Variants in DSCAML1 observed in about 807,000 individuals in gnomAD.
The protein encoded by DSCAML1 is cell adhesion molecule DSCAML1.
DSCAML1 carries 38 observed loss-of-function variants against 200.5 expected under a neutral mutation model. That is an observed-to-expected ratio of 0.19 (90% CI 0.15 to 0.25). DSCAML1 has a LOEUF of 0.25. Ranked by LOEUF, DSCAML1 falls within the 10% of genes least tolerant of loss-of-function variation. The pLI is 1.00. For synonymous variants in DSCAML1, 1,215 were observed against 1,165.0 expected, an observed-to-expected ratio of 1.04 and a Z score of -0.87; for missense variants, 2,223 against 2,858.8, an observed-to-expected ratio of 0.78 and a Z score of 5.07.
chr11:117,538,799 T>C (rs1206832344), intron 3 of DSCAML1, among the ~76,000 whole-genome samples: 3 of 85,656 alleles, frequency 3.5e-5, no homozygotes, highest in Admixed American at 1.5e-4. Context: ...GGGGAGAAGG[T>C]GATAGACAGG....
intron 3 of DSCAML1, among the ~76,000 whole-genome samples, chr11:117,638,623 C>G (rs2137588222): frequency 6.6e-6 from 1 of 152,296 alleles, no homozygotes; most frequent in South Asian, 2.1e-4. Flanking sequence ...TAAAGGGAAT[C>G]ATACAATATG....
intron 3 of DSCAML1, among the ~76,000 whole-genome samples, chr11:117,679,264 C>T (rs779873458): frequency 5.3e-5 from 8 of 152,186 alleles, no homozygotes; most frequent in African/African-American, 1.7e-4. Flanking sequence ...GAGGCCCAGG[C>T]AGAGACCTAG....
At chr11:117,656,405 G>A (rs529610229) in intron 3 of DSCAML1, among the ~76,000 whole-genome samples, 6 of 152,300 alleles carry the variant, frequency 3.9e-5, no homozygotes, top group East Asian at 1.9e-4. Context: ...CCTACACCAC[G>A]GGAAGGTTCT....
intron 5 of DSCAML1, among the ~76,000 whole-genome samples, chr11:117,521,762 C>CGGG (rs34512794): frequency 8.6e-5 from 13 of 151,692 alleles, no homozygotes; most frequent in African/African-American, 3.2e-4. Context: ...CCTCAGAAAC[C>CGGG]GGGGGGGGCA....
intron 2 of DSCAML1, among the ~76,000 whole-genome samples, chr11:117,778,815 G>A (rs2055179672): frequency 1.3e-5 from 2 of 152,210 alleles, no homozygotes; most frequent in African/African-American, 2.4e-5. Flanking sequence ...CAGGCCTCAG[G>A]GCTCCCAGCC....
At chr11:117,621,682 G>A (rs1053183337) in intron 3 of DSCAML1, among the ~76,000 whole-genome samples, 40 of 152,208 alleles carry the variant, frequency 2.6e-4, no homozygotes, top group African/African-American at 9.4e-4. Context: ...GGAATTAGAA[G>A]CTGGGTTCTC....
chr11:117,710,599 A>G (rs2053829882), intron 3 of DSCAML1, among the ~76,000 whole-genome samples: 1 of 152,200 alleles, frequency 6.6e-6, no homozygotes, highest in Non-Finnish European at 1.5e-5. Context: ...TTTCTGTGTG[A>G]CTTAACCGCC....
chr11:117,618,601 C>T (rs1484305503), intron 3 of DSCAML1, among the ~76,000 whole-genome samples: 1 of 152,042 alleles, frequency 6.6e-6, no homozygotes, highest in African/African-American at 2.4e-5. Context: ...AATTCTAGCC[C>T]TACAATAAAA....
intron 16 of DSCAML1, among the ~76,000 whole-genome samples, chr11:117,467,978 T>C (rs933681294): frequency 6.6e-6 from 1 of 152,100 alleles, no homozygotes; most frequent in African/African-American, 2.4e-5. Flanking sequence ...CATCCACATA[T>C]ACTGACAGGT....
intron 11 of DSCAML1, among the ~76,000 whole-genome samples, chr11:117,501,407 C>T (rs1335001522): frequency 6.6e-6 from 1 of 152,158 alleles, no homozygotes; most frequent in African/African-American, 2.4e-5. Context: ...AGATACAGTG[C>T]AGATTCACGC....
At chr11:117,709,384 C>T (rs2053804222) in intron 3 of DSCAML1, among the ~76,000 whole-genome samples, 1 of 152,288 alleles carries the variant, frequency 6.6e-6, no homozygotes, top group East Asian at 1.9e-4. Context: ...AGATGGAGAG[C>T]GAGTGAGCTC....
chr11:117,474,573 G>T (rs2048751079), intron 14 of DSCAML1, among the ~76,000 whole-genome samples: 1 of 152,016 alleles, frequency 6.6e-6, no homozygotes, highest in Non-Finnish European at 1.5e-5. Flanking sequence ...CATCTTGGAT[G>T]TTTCATGGAC....
In DSCAML1 at chr11:117,504,831, G is replaced by A; in HGVS notation, c.2182+93C>T. On this transcript the variant is annotated intron_variant, in intron 10 of 32. Transcript: ENST00000651296. This position sits in a 1 kb window ranked among gnomAD's most constrained non-coding sequence, Gnocchi z 5.0. ...AGAGGACTCCCATCCAGGGATAGGAGTTGCCTGCATGGAACAGGTTCAAAT... is the reference window on the plus strand; with the variant it reads ...AGAGGACTCCCATCCAGGGATAGGAATTGCCTGCATGGAACAGGTTCAAAT... The A allele has an allele frequency of 6.8e-7, 1 of 1,473,240 alleles. No homozygotes were observed. The highest frequency in any genetic ancestry group is 9.0e-7 in the Non-Finnish European group (1 of 1,105,902). 91.3% of individuals were successfully genotyped at this position (1,473,240 alleles called of 1,614,324 possible). A position where few individuals can be genotyped will look rare whatever the true frequency, so the allele number is the denominator to read the frequency against.
intron 3 of DSCAML1, among the ~76,000 whole-genome samples, chr11:117,561,197 G>C (rs1353147843): frequency 6.6e-6 from 1 of 152,230 alleles, no homozygotes; most frequent in African/African-American, 2.4e-5. Context: ...AGGAGGACCT[G>C]TGTCTTCTCC....
intron 3 of DSCAML1, among the ~76,000 whole-genome samples, chr11:117,613,677 G>A (rs10892143): frequency 9.9e-5 from 15 of 152,070 alleles, no homozygotes; most frequent in Admixed American, 7.9e-4. Context: ...ACTTTACCGC[G>A]TTAGGCAGGC....
chr11:117,590,215 G>C lies in DSCAML1; in HGVS notation c.512-57693C>G, dbSNP rs2051231815. ...TTATGTTATTTGATTTTTTAAAAGA[G>C]CCTTGCTCTGTTGCCCAGGCTGGAA... On this transcript the variant is annotated intron_variant, in intron 3 of 32. Transcript: ENST00000651296. 2.6e-5 allele frequency among the ~76,000 whole-genome samples: 4 copies of C among 151,910 alleles called. No individual in the cohort carries two copies. The South Asian group carries it at 8.3e-4, about 32-fold the overall frequency.
chr11:117,460,244 A>G (rs550052308), intron 18 of DSCAML1, among the ~76,000 whole-genome samples: 1 of 152,362 alleles, frequency 6.6e-6, no homozygotes, highest in South Asian at 2.1e-4. Flanking sequence ...CTGCACAGCA[A>G]AAGAACTGGG....
chr11:117,598,180 A>T (rs530768358), intron 3 of DSCAML1, among the ~76,000 whole-genome samples: 192 of 152,338 alleles, frequency 1.3e-3, no homozygotes, highest in Non-Finnish European at 2.1e-3. Context: ...CAAGAATAAG[A>T]GACTTGGAAT....
intron 3 of DSCAML1, among the ~76,000 whole-genome samples, chr11:117,712,864 A>C (rs1591430806): frequency 6.7e-6 from 1 of 149,780 alleles, no homozygotes. Flanking sequence ...CTCTCTCCCC[A>C]CCCTGTGACT....
Sources: allele counts gnomAD v4.1 joint callset (sites outside exome capture counted in the v4.1 genomes callset), GRCh38; gene constraint gnomAD v4.1.1; non-coding constraint Gnocchi (gnomAD v3.1); transcripts MANE v1.5; gene names NCBI Gene and HGNC (gene_info 2026-07-23, HGNC 2026-07-21).